KYNU: variants seen among roughly 807,000 people sequenced by gnomAD.
KYNU encodes L-kynurenine hydrolase.
In KYNU, 54 loss-of-function variants were observed where a neutral mutation model predicts 59.2. That is an observed-to-expected ratio of 0.91 (90% CI 0.73 to 1.14). The LOEUF (loss-of-function observed/expected upper bound fraction) is 1.14. KYNU is among the 50% of genes most tolerant of loss of function. The probability of loss-of-function intolerance (pLI) is 0.00; values close to 1 mark genes in which losing one functional copy is unlikely to be tolerated. For synonymous variants in KYNU, 177 were observed against 192.0 expected (o/e 0.92, Z 0.65); for missense variants, 567 against 554.4 (o/e 1.02, Z -0.23).
At position 143,055,235 on chromosome 2, in the gene KYNU, T is replaced by G. The variant is rs950971357; in HGVS notation, c.*13063T>G. ...GGTTAGAAGTTCAACATGGGTCTCA[T>G]GAGATCAAAAGCAAGGCCTTGGCAG... On this transcript the variant is annotated 3_prime_UTR_variant, in exon 14 of 14. Transcript: ENST00000264170. 1 of 152,180 alleles carries G rather than the reference T, an allele frequency of 6.6e-6. No individual in the cohort carries two copies. Among genetic ancestry groups the G allele is most frequent in the African/African-American group, 2.4e-5 (1 of 41,452 alleles). The allele number at this position is 152,180 out of a possible 1,614,324, so 9.4% of individuals were successfully genotyped here.
intron 4 of KYNU, among the ~76,000 whole-genome samples, chr2:142,951,420 T>C (rs969197944): frequency 2.0e-5 from 3 of 152,176 alleles, no homozygotes; most frequent in Non-Finnish European, 4.4e-5. Context: ...CTGGATGTCA[T>C]GTAACAGAGG....
At chr2:143,017,846 G>C (rs1024360032) in intron 10 of KYNU, among the ~76,000 whole-genome samples, 2 of 152,046 alleles carry the variant, frequency 1.3e-5, no homozygotes, top group East Asian at 3.9e-4. Flanking sequence ...TCATATGTTT[G>C]TTGACCAATT....
rs564470328 is a variant in KYNU at position 142,899,269 on chromosome 2, TC to T, written c.169+13734del. Reference sequence around the variant, plus strand: ...TTGAATGCCTGAGTTTATATCCCGATCATTGTCCCCTTGTTGTGCTCTCAGG... The same window carrying T: ...TTGAATGCCTGAGTTTATATCCCGATATTGTCCCCTTGTTGTGCTCTCAGG... On this transcript the variant is annotated intron_variant, in intron 2 of 13. Coordinates refer to ENST00000264170, the MANE Select transcript of KYNU (RefSeq NM_003937.3). 1.5e-3 allele frequency among the ~76,000 whole-genome samples: 234 copies of T among 152,298 alleles called. 1 individual carries two copies. The highest frequency in any genetic ancestry group is 2.1e-3 in the South Asian group (10 of 4,824).
chr2:142,913,812 T>C (rs351703), intron 2 of KYNU, among the ~76,000 whole-genome samples: 108 of 152,344 alleles, frequency 7.1e-4, no homozygotes, highest in African/African-American at 2.6e-3. Flanking sequence ...CCTACTAGTA[T>C]TGTTAACCAT....
At chr2:142,885,998 A>T (rs999244806) in intron 2 of KYNU, among the ~76,000 whole-genome samples, 6 of 152,230 alleles carry the variant, frequency 3.9e-5, no homozygotes, top group Admixed American at 2.0e-4. Flanking sequence ...CCATCTTTGC[A>T]TGCTGTAAAG....
chr2:142,945,184 A>G (rs1327617056), intron 4 of KYNU, among the ~76,000 whole-genome samples: 1 of 152,224 alleles, frequency 6.6e-6, no homozygotes, highest in African/African-American at 2.4e-5. Context: ...TCTTCCTTTC[A>G]TGGAAGAAAT....
intron 4 of KYNU, chr2:142,947,732 G>A (rs1683841451): frequency 6.5e-6 from 1 of 153,888 alleles, no homozygotes; most frequent in South Asian, 2.0e-4. Flanking sequence ...TTGCATTTCT[G>A]CTGATAATGC....
chr2:143,019,132 C>A (rs74448246), intron 10 of KYNU, among the ~76,000 whole-genome samples: 2 of 152,046 alleles, frequency 1.3e-5, no homozygotes, highest in African/African-American at 4.8e-5. Flanking sequence ...TTATTTATTT[C>A]TCTTGCCTGA....
intron 4 of KYNU, chr2:142,947,207 G>A: frequency 6.4e-7 from 1 of 1,550,678 alleles, no homozygotes; most frequent in African/African-American, 1.4e-5. Context: ...AGGTTCCCAA[G>A]AAAACTTCAG....
At chr2:142,888,559 A>G (rs910422058) in intron 2 of KYNU, among the ~76,000 whole-genome samples, 1 of 152,174 alleles carries the variant, frequency 6.6e-6, no homozygotes, top group Non-Finnish European at 1.5e-5. Flanking sequence ...TCCCTTGACC[A>G]AAAGCATGAG....
intron 8 of KYNU, among the ~76,000 whole-genome samples, chr2:142,969,227 C>T (rs1573853455): frequency 1.3e-5 from 2 of 151,988 alleles, no homozygotes; most frequent in South Asian, 2.1e-4. Context: ...TGCTTATATA[C>T]GTGTATATGT....
At chr2:142,924,917 AC>A (rs2105007764) in intron 3 of KYNU, among the ~76,000 whole-genome samples, 1 of 152,252 alleles carries the variant, frequency 6.6e-6, no homozygotes, top group African/African-American at 2.4e-5. Context: ...ACATTTCACT[AC>A]CCCAGGCTAG....
intron 10 of KYNU, among the ~76,000 whole-genome samples, chr2:143,003,318 C>T (rs1053117499): frequency 6.6e-6 from 1 of 152,132 alleles, no homozygotes; most frequent in African/African-American, 2.4e-5. Context: ...AATCCCAGCA[C>T]TTTGGGAGAC....
chr2:143,002,971 A>G (rs1209006652), intron 10 of KYNU, among the ~76,000 whole-genome samples: 1 of 152,160 alleles, frequency 6.6e-6, no homozygotes, highest in Non-Finnish European at 1.5e-5. Context: ...AATGCATCTG[A>G]TTCATTTATG....
At chr2:142,914,724 T>C (rs1351163052) in intron 2 of KYNU, among the ~76,000 whole-genome samples, 1 of 152,224 alleles carries the variant, frequency 6.6e-6, no homozygotes, top group Middle Eastern at 3.2e-3. Flanking sequence ...ATTGTCATTA[T>C]CTTGGGGCAA....
chr2:142,954,744 A>G (rs1359737509), intron 4 of KYNU, 66 bp from the exon 5 acceptor site: 5 of 993,244 alleles, frequency 5.0e-6, no homozygotes, highest in East Asian at 2.4e-5. Context: ...AAGTCTTCCT[A>G]CTTTGTTTTT....
intron 10 of KYNU, among the ~76,000 whole-genome samples, chr2:143,007,218 T>G (rs1208086112): frequency 1.3e-5 from 2 of 150,106 alleles, no homozygotes; most frequent in Non-Finnish European, 2.9e-5. Context: ...TTAAAGGAGC[T>G]GATGGAGCTG....
At chr2:143,026,867 A>C (rs2104909541) in intron 10 of KYNU, among the ~76,000 whole-genome samples, 1 of 152,272 alleles carries the variant, frequency 6.6e-6, no homozygotes, top group South Asian at 2.1e-4. Context: ...ACTCTTCTCG[A>C]AGTTACGAAG....
intron 1 of KYNU, among the ~76,000 whole-genome samples, chr2:142,880,566 G>A (rs1428170841): frequency 6.6e-6 from 1 of 152,150 alleles, no homozygotes; most frequent in Non-Finnish European, 1.5e-5. Flanking sequence ...GCATTTCATA[G>A]CTTCTATCTA....
Sources: allele counts gnomAD v4.1 joint callset (sites outside exome capture counted in the v4.1 genomes callset), GRCh38; gene constraint gnomAD v4.1.1; transcripts MANE v1.5; gene names NCBI Gene and HGNC (gene_info 2026-07-23, HGNC 2026-07-21).